Variants in PDE4DIP observed in about 807,000 individuals in gnomAD.
The protein encoded by PDE4DIP is myomegalin.
Under a neutral mutation model 221.4 loss-of-function variants are expected in PDE4DIP, and 59 were observed. The ratio of observed to expected loss-of-function variants is 0.27; its 90% confidence interval spans 0.22 to 0.33. The LOEUF (loss-of-function observed/expected upper bound fraction) is 0.33. PDE4DIP is among the 10% of genes least tolerant of loss of function. The probability of loss-of-function intolerance (pLI) is 1.00; values close to 1 mark genes in which losing one functional copy is unlikely to be tolerated. For synonymous variants in PDE4DIP, 404 were observed against 815.9 expected (o/e 0.50, Z 8.60); for missense variants, 1,036 against 2,154.2 (o/e 0.48, Z 10.28).
At chr1:148,967,506 CT>C (rs2058404142) in intron 12 of PDE4DIP, among the ~76,000 whole-genome samples, 1 of 152,130 alleles carries the variant, frequency 6.6e-6, no homozygotes, top group Admixed American at 6.5e-5. Flanking sequence ...AAAATACTTC[CT>C]TTTATCATAT....
At chr1:148,953,001 T>C (rs782108262) in intron 5 of PDE4DIP, 1 of 1,613,928 alleles carries the variant, frequency 6.2e-7, no homozygotes, top group South Asian at 1.1e-5. Context: ...ATTGAAGCGC[T>C]TTCTATTGAG....
At chr1:149,009,445 A>G in intron 29 of PDE4DIP, 123 bp from the exon 33 acceptor site, 1 of 637,090 alleles carries the variant, frequency 1.6e-6, no homozygotes, top group Non-Finnish European at 2.8e-6. Context: ...GAGGTGGGTT[A>G]TTTCCATAAT....
chr1:148,979,566 T>TA (rs1157470504), intron 19 of PDE4DIP, among the ~76,000 whole-genome samples, 171 bp from the exon 23 acceptor site: 3 of 151,986 alleles, frequency 2.0e-5, no homozygotes, highest in Non-Finnish European at 4.4e-5. Flanking sequence ...GTTTTAAAGA[T>TA]AAAAAAAAGA....
intron 21 of PDE4DIP, chr1:148,985,587 C>T (rs2061770762): frequency 1.3e-5 from 2 of 152,064 alleles, no homozygotes. Context: ...AATTTGTCTC[C>T]AACAAAGAAT....
intron 41 of PDE4DIP, among the ~76,000 whole-genome samples, chr1:149,029,448 TAC>T (rs1428461856): frequency 1.3e-5 from 2 of 152,190 alleles, no homozygotes; most frequent in Non-Finnish European, 2.9e-5. Flanking sequence ...CTCTCAATCT[TAC>T]CTGTGAAGGG....
At chr1:148,982,948 G>A (rs2061352015) in intron 21 of PDE4DIP, 1 of 152,074 alleles carries the variant, frequency 6.6e-6, no homozygotes, top group Non-Finnish European at 1.5e-5. Flanking sequence ...ATGCTCTACT[G>A]GGGAAGCACT....
chr1:148,936,956 A>G (rs2049328027), intron 4 of PDE4DIP, among the ~76,000 whole-genome samples: 1 of 152,218 alleles, frequency 6.6e-6, no homozygotes, highest in African/African-American at 2.4e-5. Flanking sequence ...ATTTTGTTTA[A>G]TAAGTAGAAA....
At chr1:148,865,119 T>C (rs1220487848) in intron 2 of PDE4DIP, among the ~76,000 whole-genome samples, 1 of 141,190 alleles carries the variant, frequency 7.1e-6, no homozygotes, top group Non-Finnish European at 1.5e-5. Flanking sequence ...GACAGAGTCT[T>C]GCTCTGTCAC....
intron 37 of PDE4DIP, chr1:149,021,582 CA>C (rs2072952161): frequency 6.5e-6 from 1 of 153,022 alleles, no homozygotes; most frequent in African/African-American, 2.4e-5. Flanking sequence ...ATTGCCCTCT[CA>C]TGTAATTTTC....
chr1:148,960,241 G>A (rs2056573264), intron 5 of PDE4DIP, among the ~76,000 whole-genome samples: 1 of 152,174 alleles, frequency 6.6e-6, no homozygotes, highest in African/African-American at 2.4e-5. Flanking sequence ...AAGAAAGGTA[G>A]CCGGAATGTA....
chr1:148,944,149 G>A (rs2051083784), intron 5 of PDE4DIP, among the ~76,000 whole-genome samples: 2 of 152,204 alleles, frequency 1.3e-5, no homozygotes, highest in Non-Finnish European at 2.9e-5. Flanking sequence ...TGACATACAA[G>A]TTACTATAGG....
intron 32 of PDE4DIP, 33 bp downstream of exon 35, chr1:149,012,809 G>T (rs1284023156): frequency 2.9e-6 from 4 of 1,384,624 alleles, no homozygotes; most frequent in Non-Finnish European, 4.0e-6. Context: ...GCTTGCGATT[G>T]GCAGCCCCAC....
chr1:148,857,359 C>CTTT (rs386368251), intron 1 of PDE4DIP, among the ~76,000 whole-genome samples: 11 of 52,524 alleles, frequency 2.1e-4, no homozygotes, highest in Admixed American at 3.5e-4. Context: ...TAGCCCCTTT[C>CTTT]TTTTTTTTTT....
chr1:148,915,259 T>A (rs2043722810), intron 1 of PDE4DIP, among the ~76,000 whole-genome samples: 1 of 152,202 alleles, frequency 6.6e-6, no homozygotes, highest in South Asian at 2.1e-4. Context: ...GCGATCCTCC[T>A]GCCTCAGCCT....
chr1:148,946,604 G>C (rs1553483857), intron 5 of PDE4DIP, among the ~76,000 whole-genome samples: 1 of 139,416 alleles, frequency 7.2e-6, no homozygotes, highest in East Asian at 2.0e-4. Flanking sequence ...CTAAAAAAAG[G>C]TTTTCATCAT....
At chr1:148,977,824 A>G (rs2060474688) in intron 17 of PDE4DIP, 113 bp from the exon 21 acceptor site, 3 of 1,487,946 alleles carry the variant, frequency 2.0e-6, no homozygotes, top group Non-Finnish European at 1.8e-6. Flanking sequence ...GTAGAGCCCT[A>G]TTCATGTTCT....
chr1:148,822,728 A>ATATTGT (rs1669634772), intron 1 of PDE4DIP, among the ~76,000 whole-genome samples: 1 of 119,970 alleles, frequency 8.3e-6, no homozygotes, highest in Admixed American at 8.7e-5. Context: ...TAATGATTTT[A>ATATTGT]TATTGTGAAA....
At chr1:149,016,225 A>G in intron 32 of PDE4DIP, 74 bp from the exon 36 acceptor site, 1 of 1,129,234 alleles carries the variant, frequency 8.9e-7, no homozygotes, top group South Asian at 1.4e-5. Context: ...TATTCTTAGC[A>G]ATCACACACT....
intron 43 of PDE4DIP, 60 bp from the exon 47 acceptor site, chr1:149,031,884 T>A: frequency 1.3e-6 from 2 of 1,532,542 alleles, no homozygotes; most frequent in Non-Finnish European, 8.9e-7. Flanking sequence ...CAGCTTCAGG[T>A]AGCCATCAGT....
Sources: gnomAD v4.1 joint callset for allele counts (sites outside exome capture counted in the v4.1 genomes callset) on GRCh38, gnomAD v4.1.1 for gene constraint, MANE v1.5 for transcripts, NCBI Gene and HGNC (gene_info 2026-07-23, HGNC 2026-07-21) for gene names.